Variants in CAPRIN1 observed in about 807,000 individuals in gnomAD.
CAPRIN1 encodes the protein caprin-1.
A neutral mutation model predicts 100.9 loss-of-function variants in CAPRIN1; 29 were observed. The observed-to-expected ratio is 0.29, with a 90% CI of 0.21 to 0.39. The LOEUF is 0.39. CAPRIN1 is among the 10% of genes least tolerant of loss of function. CAPRIN1 has a pLI of 1.00. For missense variants in CAPRIN1, 795 were observed against 876.7 expected, an observed-to-expected ratio of 0.91 and a Z score of 1.18; for synonymous variants, 338 against 307.5, an observed-to-expected ratio of 1.10 and a Z score of -1.04.
intron 1 of CAPRIN1, 119 bp downstream of exon 1, chr11:34,051,990 C>A (rs1001669457): frequency 6.6e-6 from 1 of 151,698 alleles, no homozygotes; most frequent in Non-Finnish European, 1.5e-5. Flanking sequence ...CCCCACCCCA[C>A]CCCGGTCATT....
At chr11:34,064,954 GTTTTT>G (rs10551006) in intron 2 of CAPRIN1, among the ~76,000 whole-genome samples, 4 of 63,140 alleles carry the variant, frequency 6.3e-5, no homozygotes, top group Non-Finnish European at 1.2e-4. Context: ...CTGTATAATG[GTTTTT>G]TTTTTTTTTT....
chr11:34,073,520 G>A (rs7939811), intron 4 of CAPRIN1, among the ~76,000 whole-genome samples: 151,074 of 152,294 alleles, frequency 0.99, 74,944 homozygotes, highest in East Asian at 1. Context: ...CAGTGCCGCT[G>A]TCTCAGCTCA....
rs201622248 is a variant in CAPRIN1, at chr11:34,058,145, G to GT, written c.216+5517dup. Among the ~76,000 whole-genome samples the GT allele has an allele frequency of 9.2e-5, 14 of 151,974 alleles. No individual in the cohort carries two copies. In the East Asian group the frequency reaches 2.1e-3, roughly 23 times the overall value. Reference sequence around the variant, plus strand: ...ATGGGTGATTTCCAAAATTCTCGCAGTTTTTTTTGAAACAGAATCTTGCTC... The same window carrying GT: ...ATGGGTGATTTCCAAAATTCTCGCAGTTTTTTTTTGAAACAGAATCTTGCTC... On this transcript the variant is annotated intron_variant, in intron 2 of 18. Transcript: ENST00000341394.
chr11:34,086,307 T>C lies in CAPRIN1; in HGVS notation c.1125T>C (p.Asp375=). 6.2e-7 allele frequency: 1 copy of C among 1,612,896 alleles called. No individual in the cohort carries two copies. The highest frequency in any genetic ancestry group is 2.2e-5 in the East Asian group (1 of 44,878). ...TTCTATCCTAACTTAACCTGTAGGATTCAATGCTGGATTTTGAAAATCAGA... is the reference window on the plus strand; with the variant it reads ...TTCTATCCTAACTTAACCTGTAGGACTCAATGCTGGATTTTGAAAATCAGA... ...QMQGPYNFIQ[D]SMLDFENQTL... The change falls in exon 11 of 19, where the codon GAT becomes GAC. Residue 375 remains aspartate (D), a splice_region_variant and synonymous_variant. Transcript: ENST00000341394.
intron 2 of CAPRIN1, among the ~76,000 whole-genome samples, chr11:34,057,819 A>G (rs544332979): frequency 0.012 from 1,867 of 152,148 alleles, 29 homozygotes; most frequent in African/African-American, 0.042. Context: ...CCCAGGTTCA[A>G]GCTATTCTCC....
intron 4 of CAPRIN1, among the ~76,000 whole-genome samples, chr11:34,072,272 A>G (rs1000950137): frequency 6.6e-6 from 1 of 151,702 alleles, no homozygotes; most frequent in African/African-American, 2.4e-5. Context: ...TCCTGTGAAT[A>G]GCCACCGCAC....
At chr11:34,095,449 C>G (rs1307175265) in intron 15 of CAPRIN1, among the ~76,000 whole-genome samples, 1 of 152,200 alleles carries the variant, frequency 6.6e-6, no homozygotes, top group Non-Finnish European at 1.5e-5. Flanking sequence ...GTGGCTCTCT[C>G]TTTTTCTCTA....
At chr11:34,089,827 A>G (rs1222095853) in intron 12 of CAPRIN1, among the ~76,000 whole-genome samples, 2 of 151,586 alleles carry the variant, frequency 1.3e-5, no homozygotes, top group Non-Finnish European at 2.9e-5. Context: ...TGCATTTTAA[A>G]TAATGTATTA....
chr11:34,079,800 G>A (rs1171769253), intron 7 of CAPRIN1, 35 bp downstream of exon 7: 1 of 1,580,374 alleles, frequency 6.3e-7, no homozygotes, highest in Non-Finnish European at 8.6e-7. Flanking sequence ...TTAGTTTAGG[G>A]TCCTGGTTTT....
chr11:34,090,320 G>A (rs1290516391), intron 13 of CAPRIN1, 31 bp downstream of exon 13: 2 of 1,426,836 alleles, frequency 1.4e-6, no homozygotes, highest in African/African-American at 1.4e-5. Context: ...ACATACATTT[G>A]ATGAGGCACT....
In CAPRIN1 at chr11:34,086,396, A is replaced by G; in HGVS notation, c.1214A>G (p.Gln405Arg). The change falls in exon 11 of 19, where the codon CAG becomes CGG. Residue 405 changes from glutamine to arginine, a missense_variant. Transcript: ENST00000341394. ...MNPTQNMDMP[Q>R]LVCPPVHSES... ...CCAACACAAAACATGGACATGCCCCAGCTGGTTTGCCCTCCAGGTTAGTAG... is the reference window on the plus strand; with the variant it reads ...CCAACACAAAACATGGACATGCCCCGGCTGGTTTGCCCTCCAGGTTAGTAG... 2 of 1,612,212 alleles carry G rather than the reference A, an allele frequency of 1.2e-6. No individual in the cohort carries two copies. The highest frequency in any genetic ancestry group is 1.7e-6 in the Non-Finnish European group (2 of 1,178,600).
At chr11:34,081,532 C>T (rs995390339) in intron 7 of CAPRIN1, among the ~76,000 whole-genome samples, 2 of 149,808 alleles carry the variant, frequency 1.3e-5, no homozygotes, top group African/African-American at 4.9e-5. Context: ...CTAGTTCTGT[C>T]GCCCACGCTG....
In CAPRIN1 at chr11:34,052,405, T is replaced by C; in HGVS notation, c.1-16T>C. 1 of 1,601,612 alleles carries C rather than the reference T, an allele frequency of 6.2e-7. No individual in the cohort carries two copies. The highest frequency in any genetic ancestry group is 1.3e-5 in the African/African-American group (1 of 74,174). On this transcript the variant is annotated splice_polypyrimidine_tract_variant and intron_variant, in intron 1 of 18. Coordinates refer to ENST00000341394, the MANE Select transcript of CAPRIN1 (RefSeq NM_005898.5). ...CCTTCCTCCCGCTTTTTCTTCTCTC[T>C]CCTTGCGGTCTGAAGATGCCCTCGG...
At chr11:34,093,632 C>T (rs1485692336) in intron 15 of CAPRIN1, among the ~76,000 whole-genome samples, 1 of 152,112 alleles carries the variant, frequency 6.6e-6, no homozygotes, top group African/African-American at 2.4e-5. Flanking sequence ...CTCGAATCTT[C>T]CATACTCTGA....
At chr11:34,053,279 G>C in intron 2 of CAPRIN1, 1 of 386,962 alleles carries the variant, frequency 2.6e-6, no homozygotes, top group Non-Finnish European at 3.5e-6. Context: ...TTCCCTCTTT[G>C]TTTCAATTGT....
intron 2 of CAPRIN1, among the ~76,000 whole-genome samples, chr11:34,054,179 A>T (rs1208581331): frequency 6.6e-6 from 1 of 152,120 alleles, no homozygotes; most frequent in African/African-American, 2.4e-5. Flanking sequence ...CATCTTCGGT[A>T]TTGAAGGTTG....
At chr11:34,062,498 G>T (rs1217691328) in intron 2 of CAPRIN1, among the ~76,000 whole-genome samples, 3 of 151,880 alleles carry the variant, frequency 2.0e-5, no homozygotes, top group Non-Finnish European at 4.4e-5. Context: ...GGTGGTGGGC[G>T]CCTGTAGTCC....
At chr11:34,083,146 T>C (rs1851066310) in intron 9 of CAPRIN1, 105 bp downstream of exon 9, 2 of 762,934 alleles carry the variant, frequency 2.6e-6, no homozygotes, top group Admixed American at 4.5e-5. Flanking sequence ...TTAGTACATT[T>C]ATTATAATAA....
chr11:34,097,976 G>C, intron 18 of CAPRIN1: 1 of 1,282,984 alleles, frequency 7.8e-7, no homozygotes. Context: ...AAACTGTCTT[G>C]AAAACTAGAA....
Sources: gnomAD v4.1 joint callset for allele counts (sites outside exome capture counted in the v4.1 genomes callset) on GRCh38, gnomAD v4.1.1 for gene constraint, MANE v1.5 for transcripts, NCBI Gene and HGNC (gene_info 2026-07-23, HGNC 2026-07-21) for gene names.